AUTS2: variants seen among roughly 807,000 people sequenced by gnomAD.
AUTS2 encodes activator of transcription and developmental regulator AUTS2, also known as autism susceptibility gene 2 protein.
A neutral mutation model predicts 112.4 loss-of-function variants in AUTS2; 17 were observed. The observed-to-expected ratio is 0.15, with a 90% CI of 0.10 to 0.23. The LOEUF (loss-of-function observed/expected upper bound fraction) is 0.23, where lower values mean the gene tolerates loss of function less well. AUTS2 is among the 10% of genes least tolerant of loss of function. The pLI is 1.00. For synonymous variants in AUTS2, 751 were observed against 702.7 expected, an observed-to-expected ratio of 1.07 and a Z score of -1.09; for missense variants, 1,510 against 1,701.6, an observed-to-expected ratio of 0.89 and a Z score of 1.98.
chr7:70,489,089 G>C (rs1798137172), intron 5 of AUTS2, among the ~76,000 whole-genome samples: 1 of 151,934 alleles, frequency 6.6e-6, no homozygotes, highest in African/African-American at 2.4e-5. Context: ...ATGAATTTGA[G>C]GAAACCAACA....
At chr7:69,719,022 A>T (rs547348453) in intron 1 of AUTS2, among the ~76,000 whole-genome samples, 1 of 152,282 alleles carries the variant, frequency 6.6e-6, no homozygotes, top group Non-Finnish European at 1.5e-5. Flanking sequence ...TTGCACACAC[A>T]TTGTTACATC....
chr7:70,698,707 ATCTTTC>A, intron 6 of AUTS2, 87 bp downstream of exon 6: 1 of 1,029,848 alleles, frequency 9.7e-7, no homozygotes, highest in Non-Finnish European at 1.4e-6. Context: ...AGCTAGAGTG[ATCTTTC>A]TCTTATAATT....
intron 1 of AUTS2, among the ~76,000 whole-genome samples, chr7:69,607,400 G>A (rs1045670295): frequency 2.0e-5 from 3 of 152,038 alleles, no homozygotes; most frequent in African/African-American, 7.2e-5. Flanking sequence ...AATTATGAAT[G>A]CTGTTAATAA....
intron 5 of AUTS2, among the ~76,000 whole-genome samples, chr7:70,545,144 A>G (rs1355447911): frequency 6.6e-6 from 1 of 152,206 alleles, no homozygotes; most frequent in East Asian, 1.9e-4. Context: ...AACTGTCCAA[A>G]TCATCGGTAG....
intron 2 of AUTS2, among the ~76,000 whole-genome samples, chr7:70,071,593 G>A (rs1802769853): frequency 6.6e-6 from 1 of 152,156 alleles, no homozygotes; most frequent in South Asian, 2.1e-4. Flanking sequence ...TTGTCAGTGT[G>A]CTTTTTTTCA....
intron 5 of AUTS2, among the ~76,000 whole-genome samples, chr7:70,664,364 G>T (rs1563111619): frequency 6.6e-6 from 1 of 152,132 alleles, no homozygotes. Flanking sequence ...GACTCTGTGG[G>T]ATTTTGTGTT....
chr7:69,851,828 A>G (rs947660272), intron 1 of AUTS2, among the ~76,000 whole-genome samples: 1 of 152,126 alleles, frequency 6.6e-6, no homozygotes, highest in Non-Finnish European at 1.5e-5. Flanking sequence ...TTGTTTTTGC[A>G]TGTTGGTCTT....
intron 2 of AUTS2, among the ~76,000 whole-genome samples, chr7:69,983,061 C>A (rs770852541): frequency 6.6e-6 from 1 of 152,142 alleles, no homozygotes; most frequent in Non-Finnish European, 1.5e-5. Context: ...AAACTAATGG[C>A]GTAACCAGAT....
chr7:69,635,296 G>A (rs1157440416), intron 1 of AUTS2, among the ~76,000 whole-genome samples: 2 of 152,196 alleles, frequency 1.3e-5, no homozygotes, highest in East Asian at 3.8e-4. Context: ...AGATGTTCAT[G>A]CTTTACCTAC....
chr7:70,414,665 G>A (rs996542470), intron 4 of AUTS2, among the ~76,000 whole-genome samples: 5 of 152,112 alleles, frequency 3.3e-5, no homozygotes, highest in Non-Finnish European at 7.3e-5. Flanking sequence ...ATATGGCATT[G>A]GAAAGGGGGT....
chr7:69,722,077 T>C (rs1798979025), intron 1 of AUTS2, among the ~76,000 whole-genome samples: 1 of 148,004 alleles, frequency 6.8e-6, no homozygotes, highest in Non-Finnish European at 1.5e-5. Context: ...ATAGAGGGGA[T>C]AGAGAGCAAA....
chr7:69,647,917 T>A (rs1795105360), intron 1 of AUTS2, among the ~76,000 whole-genome samples: 1 of 152,216 alleles, frequency 6.6e-6, no homozygotes, highest in Non-Finnish European at 1.5e-5. Flanking sequence ...AATATTTGCC[T>A]TTGTTGTCTC....
At chr7:69,857,824 A>G (rs1792801881) in intron 1 of AUTS2, among the ~76,000 whole-genome samples, 1 of 152,162 alleles carries the variant, frequency 6.6e-6, no homozygotes, top group South Asian at 2.1e-4. Context: ...CTCAAAAAAA[A>G]AAAAAAGACA....
chr7:70,442,619 T>G (rs754988916), intron 5 of AUTS2, among the ~76,000 whole-genome samples: 20 of 151,986 alleles, frequency 1.3e-4, no homozygotes, highest in Non-Finnish European at 2.8e-4. Flanking sequence ...GCCTCCCGAG[T>G]AGCTGGGATT....
At chr7:69,752,887 G>A (rs1787800321) in intron 1 of AUTS2, among the ~76,000 whole-genome samples, 2 of 152,170 alleles carry the variant, frequency 1.3e-5, no homozygotes, top group Non-Finnish European at 2.9e-5. Flanking sequence ...TGAGCTGAGG[G>A]ACTGGAACAG....
chr7:69,813,804 G>C (rs1003829961), intron 1 of AUTS2, among the ~76,000 whole-genome samples: 2 of 152,198 alleles, frequency 1.3e-5, no homozygotes, highest in Non-Finnish European at 2.9e-5. Context: ...GCATATGGCA[G>C]GCCTTAATAA....
chr7:70,718,521 G>C (rs1171342434), intron 6 of AUTS2, among the ~76,000 whole-genome samples: 3 of 152,156 alleles, frequency 2.0e-5, no homozygotes, highest in Non-Finnish European at 4.4e-5. Flanking sequence ...ATATTAGCCA[G>C]GTGTGGTGGC....
At chr7:69,704,046 T>A (rs1254422635) in intron 1 of AUTS2, among the ~76,000 whole-genome samples, 3 of 152,164 alleles carry the variant, frequency 2.0e-5, no homozygotes, top group Non-Finnish European at 4.4e-5. Context: ...CTCTCTGTCA[T>A]CCTTTTCTCT....
rs575547147 is a variant in AUTS2, at chr7:70,716,504, G to A, written c.742+17884G>A. Among the ~76,000 whole-genome samples the A allele has an allele frequency of 1.1e-4, 16 of 151,968 alleles. No individual in the cohort carries two copies. In the South Asian group the frequency reaches 2.9e-3, roughly 28 times the overall value. ...AAAAATTAGCCGGATGTGGTGGCAG[G>A]CGCCTGTAGTCCCAGCTACTCGGGA... On this transcript the variant is annotated intron_variant, in intron 6 of 18. Coordinates refer to ENST00000342771, the MANE Select transcript of AUTS2 (RefSeq NM_015570.4).
Sources: allele counts gnomAD v4.1 joint callset (sites outside exome capture counted in the v4.1 genomes callset), GRCh38; gene constraint gnomAD v4.1.1; transcripts MANE v1.5; gene names NCBI Gene and HGNC (gene_info 2026-07-23, HGNC 2026-07-21).